The following FAM168B variants were observed in gnomAD, a reference collection of about 807,000 sequenced individuals.
FAM168B encodes myelin-associated neurite-outgrowth inhibitor.
A neutral mutation model predicts 21.8 loss-of-function variants in FAM168B; 19 were observed. The observed-to-expected ratio is 0.87, with a 90% CI of 0.61 to 1.28. The LOEUF (loss-of-function observed/expected upper bound fraction) is 1.28. Among genes scored for constraint, FAM168B ranks in the 50% most tolerant of loss-of-function variants. FAM168B has a pLI of 0.00. For missense variants in FAM168B, 233 were observed against 263.1 expected, an observed-to-expected ratio of 0.89 and a Z score of 0.79; for synonymous variants, 126 against 104.8, an observed-to-expected ratio of 1.20 and a Z score of -1.24.
chr2:131,048,271 G>A lies in FAM168B; in HGVS notation c.*4194C>T, dbSNP rs1299139857. 4 of 1,304,144 alleles carry A rather than the reference G, an allele frequency of 3.1e-6. No individual in the cohort carries two copies. The African/African-American group carries it at 6.1e-5, about 20-fold the overall frequency. 80.8% of individuals were successfully genotyped at this position (1,304,144 alleles called of 1,614,324 possible). ...GGCCAGCACAGCAACCCTGCTAGGA[G>A]CACAAACGGCTGGCCTGAGATCTGG... On this transcript the variant is annotated 3_prime_UTR_variant, in exon 7 of 7. Coordinates refer to ENST00000389915, the MANE Select transcript of FAM168B (RefSeq NM_001009993.4).
chr2:131,060,798 T>C (rs967588327), intron 3 of FAM168B, among the ~76,000 whole-genome samples: 3 of 152,094 alleles, frequency 2.0e-5, no homozygotes, highest in Admixed American at 2.0e-4. Context: ...CTGGGGAATC[T>C]AAGTGGTGGG....
intron 3 of FAM168B, among the ~76,000 whole-genome samples, chr2:131,057,816 CGTGT>C (rs1335811846): frequency 6.6e-6 from 1 of 151,884 alleles, no homozygotes; most frequent in Admixed American, 6.6e-5. Context: ...GCAATATGTA[CGTGT>C]GTGTATTTTT....
chr2:131,071,984 G>T (rs187664008), intron 2 of FAM168B, 46 bp from the exon 3 acceptor site: 2 of 1,497,478 alleles, frequency 1.3e-6, no homozygotes, highest in Non-Finnish European at 1.8e-6. Context: ...CTGAAGTAGC[G>T]ACAATCACTA....
chr2:131,076,638 G>A (rs539613339), intron 2 of FAM168B, among the ~76,000 whole-genome samples: 105 of 138,880 alleles, frequency 7.6e-4, no homozygotes, highest in Admixed American at 2.1e-3. Flanking sequence ...GGGCAACAGA[G>A]CAAGACTCCG....
At position 131,048,313 on chromosome 2, in the gene FAM168B, A is replaced by G; in HGVS notation, c.*4152T>C. 4 of 1,304,138 alleles carry G rather than the reference A, an allele frequency of 3.1e-6. No homozygotes were observed. Among genetic ancestry groups the G allele is most frequent in the Non-Finnish European group, 4.0e-6 (4 of 988,894 alleles). The allele number at this position is 1,304,138 out of a possible 1,614,324, so 80.8% of individuals were successfully genotyped here. On this transcript the variant is annotated 3_prime_UTR_variant, in exon 7 of 7. Coordinates refer to ENST00000389915, the MANE Select transcript of FAM168B (RefSeq NM_001009993.4). ...GAGATCTGGCCCAGCTGCCTTGCCC[A>G]CTGGTCTGCACAGGGACTCATGGGC...
At chr2:131,091,090 C>G (rs910851456) in intron 1 of FAM168B, among the ~76,000 whole-genome samples, 1 of 152,126 alleles carries the variant, frequency 6.6e-6, no homozygotes. Context: ...TCCCAGCACT[C>G]TGGGAGGCCA....
At chr2:131,090,213 G>C (rs1259247985) in intron 1 of FAM168B, among the ~76,000 whole-genome samples, 1 of 149,418 alleles carries the variant, frequency 6.7e-6, no homozygotes, top group Non-Finnish European at 1.5e-5. Context: ...CAGCTACTCA[G>C]GAGGCTGAGG....
At chr2:131,086,340 G>A (rs1360476532) in intron 1 of FAM168B, among the ~76,000 whole-genome samples, 1 of 152,058 alleles carries the variant, frequency 6.6e-6, no homozygotes, top group African/African-American at 2.4e-5. Context: ...AAACAAAATG[G>A]CAAGTCACAA....
Position 131,048,087 on chromosome 2 carries a change from G to A in FAM168B, c.*4378C>T. On this transcript the variant is annotated 3_prime_UTR_variant, in exon 7 of 7. Coordinates refer to ENST00000389915, the MANE Select transcript of FAM168B (RefSeq NM_001009993.4). Reference sequence around the variant, plus strand: ...TACGTAAGTTCAATGCAGAGGTGAGGGATGCCTTTAACACTGGAAGACAAT... The same window carrying A: ...TACGTAAGTTCAATGCAGAGGTGAGAGATGCCTTTAACACTGGAAGACAAT... 4.6e-6 allele frequency: 4 copies of A among 860,670 alleles called. No individual in the cohort carries two copies. Among genetic ancestry groups the A allele is most frequent in the Non-Finnish European group, 6.2e-6 (4 of 642,868 alleles). 53.3% of individuals were successfully genotyped at this position (860,670 alleles called of 1,614,324 possible).
At chr2:131,059,002 C>T (rs987500982) in intron 3 of FAM168B, among the ~76,000 whole-genome samples, 1 of 152,058 alleles carries the variant, frequency 6.6e-6, no homozygotes, top group Non-Finnish European at 1.5e-5. Flanking sequence ...CCGGGACAGT[C>T]CAATTCCCCC....
chr2:131,076,094 G>C (rs909445894), intron 2 of FAM168B, among the ~76,000 whole-genome samples: 6 of 152,134 alleles, frequency 3.9e-5, no homozygotes, highest in African/African-American at 7.2e-5. Context: ...AGCTTTGGGA[G>C]GACCCCCAAC....
chr2:131,050,546 G>A lies in FAM168B; in HGVS notation c.*1919C>T. On this transcript the variant is annotated 3_prime_UTR_variant, in exon 7 of 7. Transcript: ENST00000389915. Reference sequence around the variant, plus strand: ...TTAAGTGCTCATGAAGCAATTTAAAGTACTTATCAGTAAACATTCTATGTT... The same window carrying A: ...TTAAGTGCTCATGAAGCAATTTAAAATACTTATCAGTAAACATTCTATGTT... 1.0e-6 allele frequency: 1 copy of A among 985,746 alleles called. No individual in the cohort carries two copies. Among genetic ancestry groups the A allele is most frequent in the East Asian group, 1.1e-4 (1 of 8,816 alleles). 61.1% of individuals were successfully genotyped at this position (985,746 alleles called of 1,614,324 possible).
At chr2:131,092,143 C>CAAA (rs992051589) in intron 1 of FAM168B, among the ~76,000 whole-genome samples, 1 of 79,040 alleles carries the variant, frequency 1.3e-5, no homozygotes, top group Non-Finnish European at 2.6e-5. Context: ...GACTCCGTCT[C>CAAA]AAAAAAAAAA....
intron 3 of FAM168B, 72 bp from the exon 4 acceptor site, chr2:131,055,767 A>G (rs1265806783): frequency 6.4e-7 from 1 of 1,557,068 alleles, no homozygotes; most frequent in East Asian, 2.3e-5. Flanking sequence ...ACAGGCAGGG[A>G]GGAGCTAAGC....
At chr2:131,070,264 C>T (rs1160250425) in intron 3 of FAM168B, among the ~76,000 whole-genome samples, 2 of 152,166 alleles carry the variant, frequency 1.3e-5, no homozygotes, top group South Asian at 4.1e-4. Flanking sequence ...AAAAACTCAA[C>T]GATAAGAAAA....
chr2:131,054,379 C>T (rs1558938977), intron 5 of FAM168B, among the ~76,000 whole-genome samples: 1 of 152,164 alleles, frequency 6.6e-6, no homozygotes, highest in Non-Finnish European at 1.5e-5. Context: ...CACAGTGGCA[C>T]CCAACCTGGT....
chr2:131,080,938 G>C (rs1288518759), intron 2 of FAM168B, among the ~76,000 whole-genome samples: 1 of 151,948 alleles, frequency 6.6e-6, no homozygotes, highest in East Asian at 2.0e-4. Flanking sequence ...CCAAAGTGCT[G>C]GGATTACAGG....
Position 131,048,916 on chromosome 2 carries a change from C to T in FAM168B, c.*3549G>A, listed in dbSNP as rs1427937897. 6.1e-6 allele frequency: 6 copies of T among 985,898 alleles called. No homozygotes were observed. Among genetic ancestry groups the T allele is most frequent in the African/African-American group, 1.7e-5 (1 of 57,240 alleles). 61.1% of individuals were successfully genotyped at this position (985,898 alleles called of 1,614,324 possible). ...ACAGCCAAACTGGCGACAATGGACA[C>T]ATCCAACAGTCAGCTGTCGGATAAG... On this transcript the variant is annotated 3_prime_UTR_variant, in exon 7 of 7. Transcript: ENST00000389915.
At chr2:131,093,051 C>T (rs1380846442) in intron 1 of FAM168B, among the ~76,000 whole-genome samples, 163 bp downstream of exon 1, 2 of 151,472 alleles carry the variant, frequency 1.3e-5, no homozygotes, top group African/African-American at 4.8e-5. Context: ...CCGCCCCCGG[C>T]CCCCGCCCGG....
Sources: allele counts gnomAD v4.1 joint callset (sites outside exome capture counted in the v4.1 genomes callset), GRCh38; gene constraint gnomAD v4.1.1; transcripts MANE v1.5; gene names NCBI Gene and HGNC (gene_info 2026-07-23, HGNC 2026-07-21).